NF1: variants seen among roughly 807,000 people sequenced by gnomAD.
The protein encoded by NF1 is neurofibromin 1.
In NF1, 122 loss-of-function variants were observed where a neutral mutation model predicts 325.7. That is an observed-to-expected ratio of 0.37 (90% CI 0.32 to 0.44). The LOEUF is 0.44. NF1 is among the 20% of genes least tolerant of loss of function. The pLI, the probability that NF1 is intolerant of heterozygous loss-of-function variation, is 1.00. For synonymous variants in NF1, 1,091 were observed against 1,186.0 expected (o/e 0.92, Z 1.65); for missense variants, 2,140 against 3,415.4 (o/e 0.63, Z 9.31).
chr17:31,214,443 G>C lies in NF1; in HGVS notation c.1393-8G>C. The C allele has an allele frequency of 6.3e-7, 1 of 1,585,714 alleles. No individual in the cohort carries two copies. Among genetic ancestry groups the C allele is most frequent in the Non-Finnish European group, 8.6e-7 (1 of 1,157,268 alleles). On this transcript the variant is annotated splice_region_variant and splice_polypyrimidine_tract_variant and intron_variant, in intron 12 of 57. Coordinates refer to ENST00000358273, the MANE Select transcript of NF1 (RefSeq NM_001042492.3). ...ATGTCTGATACCATGTTTTTGTTTT[G>C]TTTTTAGAGTCTTACATTTAAAGAA...
At chr17:31,289,486 A>G (rs748167724) in intron 36 of NF1, among the ~76,000 whole-genome samples, 1 of 152,212 alleles carries the variant, frequency 6.6e-6, no homozygotes, top group Non-Finnish European at 1.5e-5. Flanking sequence ...GGCTATTTCA[A>G]GGACAAGGCA....
chr17:31,231,523 T>C (rs1054919428), intron 24 of NF1, among the ~76,000 whole-genome samples: 2 of 152,108 alleles, frequency 1.3e-5, no homozygotes, highest in Non-Finnish European at 2.9e-5. Flanking sequence ...AACACTAAAA[T>C]CCACAGATGC....
rs2065901054 is a variant in NF1 at position 31,169,752 on chromosome 17, C to T, written c.480-139C>T. The stretch of plus-strand genomic sequence containing the variant: ...TTAGAGATGATGTCTTGCTATGTTG[C>T]CCAGGCTGGTCTTGAACTCCTGGCC... On this transcript the variant is annotated intron_variant, in intron 4 of 57. Coordinates refer to ENST00000358273, the MANE Select transcript of NF1 (RefSeq NM_001042492.3). 4.8e-6 allele frequency: 3 copies of T among 625,486 alleles called. No homozygotes were observed. In the East Asian group the frequency reaches 8.7e-5, roughly 18 times the overall value. 38.7% of individuals were successfully genotyped at this position (625,486 alleles called of 1,614,324 possible).
chr17:31,219,849 T>C (rs1406012041), intron 14 of NF1, among the ~76,000 whole-genome samples: 1 of 152,214 alleles, frequency 6.6e-6, no homozygotes, highest in East Asian at 1.9e-4. Flanking sequence ...CTACCTTGAC[T>C]TAATGCTTTC....
intron 4 of NF1, among the ~76,000 whole-genome samples, chr17:31,168,869 G>A (rs1378205481): frequency 6.6e-6 from 1 of 152,052 alleles, no homozygotes; most frequent in African/African-American, 2.4e-5. Flanking sequence ...AAAATGAAAC[G>A]TTTTCTATTC....
At chr17:31,307,673 C>T (rs753772780) in intron 36 of NF1, among the ~76,000 whole-genome samples, 2 of 152,142 alleles carry the variant, frequency 1.3e-5, no homozygotes, top group African/African-American at 4.8e-5. Context: ...TCTACTGAGA[C>T]AATTTGCAAC....
At chr17:31,111,481 A>G (rs1196743210) in intron 1 of NF1, among the ~76,000 whole-genome samples, 7 of 152,290 alleles carry the variant, frequency 4.6e-5, no homozygotes, top group East Asian at 3.9e-4. Context: ...ACCAGAAACA[A>G]AGAGAAACGC....
At chr17:31,258,742 C>T (rs1162169440) in intron 32 of NF1, among the ~76,000 whole-genome samples, 5 of 151,900 alleles carry the variant, frequency 3.3e-5, no homozygotes, top group South Asian at 2.1e-4. Context: ...TCATTTTTTG[C>T]GTAATCATTC....
At chr17:31,285,002 C>T (rs1430077207) in intron 36 of NF1, among the ~76,000 whole-genome samples, 1 of 151,494 alleles carries the variant, frequency 6.6e-6, no homozygotes, top group African/African-American at 2.4e-5. Context: ...GCCTGTAATT[C>T]CAGCTACTCA....
chr17:31,260,446 A>C lies in NF1; in HGVS notation c.4508A>C (p.Asn1503Thr). The change falls in exon 34 of 58, where the codon AAT (asparagine) becomes ACT (threonine). Residue 1503 changes from asparagine to threonine, a missense_variant. This residue lies in a region of NF1 where 336 missense variants were observed against 399.0 expected (regional missense o/e 0.84). Transcript: ENST00000358273. ...AGTCTTTCCTTCATAAGTGACGGCA[A>C]TGTGCTTGCTTTACATCGTCTACTC... ...NHSLSFISDG[N>T]VLALHRLLWN... 1 of 1,614,092 alleles carries C rather than the reference A, an allele frequency of 6.2e-7. No homozygotes were observed. Among genetic ancestry groups the C allele is most frequent in the Non-Finnish European group, 8.5e-7 (1 of 1,179,990 alleles).
intron 4 of NF1, among the ~76,000 whole-genome samples, chr17:31,165,904 C>A (rs2065837762): frequency 6.6e-6 from 1 of 152,028 alleles, no homozygotes; most frequent in Non-Finnish European, 1.5e-5. Flanking sequence ...GTTGCCCAGG[C>A]TTGTCTTGAA....
In NF1 at chr17:31,229,478, C is replaced by G. The variant is rs777295195; in HGVS notation, c.2850+13C>G. 3.1e-6 allele frequency: 5 copies of G among 1,611,186 alleles called. No individual in the cohort carries two copies. The highest frequency in any genetic ancestry group is 1.1e-5 in the South Asian group (1 of 90,970). The stretch of plus-strand genomic sequence containing the variant: ...CTCCCAAGGACAGGTAAAGTGTTCT[C>G]TTATTTTTCACCTTTCTCTATGAAT... On this transcript the variant is annotated intron_variant, in intron 21 of 57. Transcript: ENST00000358273.
chr17:31,097,459 C>CA (rs71142015), intron 1 of NF1, among the ~76,000 whole-genome samples: 1,158 of 78,012 alleles, frequency 0.015, 19 homozygotes, highest in African/African-American at 0.033. Flanking sequence ...CTCTTGTCTC[C>CA]AAAAAAAAAA....
intron 14 of NF1, among the ~76,000 whole-genome samples, chr17:31,220,538 A>G (rs1237644891): frequency 1.3e-5 from 2 of 152,172 alleles, no homozygotes; most frequent in African/African-American, 2.4e-5. Flanking sequence ...AGAGAGCTTT[A>G]TTTACTGGGA....
chr17:31,203,722 G>A (rs2066571553), intron 11 of NF1, among the ~76,000 whole-genome samples: 1 of 151,876 alleles, frequency 6.6e-6, no homozygotes, highest in African/African-American at 2.4e-5. Context: ...ATGATTCTTG[G>A]TTCAATGTAC....
intron 35 of NF1, among the ~76,000 whole-genome samples, chr17:31,263,035 A>AGG (rs1567864024): frequency 0.034 from 1,279 of 37,526 alleles, 30 homozygotes; most frequent in African/African-American, 0.06. Flanking sequence ...AGATAGATAG[A>AGG]TAGGTAGGTA....
At chr17:31,216,309 T>G (rs1030992193) in intron 13 of NF1, among the ~76,000 whole-genome samples, 5 of 152,216 alleles carry the variant, frequency 3.3e-5, no homozygotes, top group African/African-American at 9.7e-5. Flanking sequence ...TTTCCAAGGA[T>G]CATTTAAAAT....
At chr17:31,151,043 AAT>A (rs72456695) in intron 1 of NF1, among the ~76,000 whole-genome samples, 78,028 of 147,958 alleles carry the variant, frequency 0.53, 23,969 homozygotes, top group Middle Eastern at 0.75. Context: ...TCAAAAAAAA[AAT>A]AAATAAATAA....
intron 36 of NF1, among the ~76,000 whole-genome samples, chr17:31,316,781 T>C (rs1394429137): frequency 6.6e-6 from 1 of 152,214 alleles, no homozygotes; most frequent in Non-Finnish European, 1.5e-5. Flanking sequence ...TGGAATAATA[T>C]TGTTATGATT....
Sources: gnomAD v4.1 joint callset for allele counts (sites outside exome capture counted in the v4.1 genomes callset) on GRCh38, gnomAD v4.1.1 for gene constraint, gnomAD v4.1.1 regional missense constraint, MANE v1.5 for transcripts, NCBI Gene and HGNC (gene_info 2026-07-23, HGNC 2026-07-21) for gene names.